The following PER2 variants were observed in gnomAD, a reference collection of about 807,000 sequenced individuals.
PER2 encodes period circadian protein homolog 2.
PER2 carries 66 observed loss-of-function variants against 121.0 expected under a neutral mutation model. That is an observed-to-expected ratio of 0.55 (90% CI 0.45 to 0.67). The LOEUF (loss-of-function observed/expected upper bound fraction) is 0.67. PER2 is among the 30% of genes least tolerant of loss of function. The pLI, the probability that PER2 is intolerant of heterozygous loss-of-function variation, is 0.00. For missense variants in PER2, 1,521 were observed against 1,635.0 expected, an observed-to-expected ratio of 0.93 and a Z score of 1.20; for synonymous variants, 684 against 659.9, an observed-to-expected ratio of 1.04 and a Z score of -0.56.
intron 17 of PER2, among the ~76,000 whole-genome samples, chr2:238,256,292 C>G (rs1006192968): frequency 1.3e-5 from 2 of 152,174 alleles, no homozygotes; most frequent in South Asian, 4.1e-4. Context: ...TAGATGGGAC[C>G]CTATGGGCCC....
chr2:238,264,995 A>G (rs554068224), intron 9 of PER2, among the ~76,000 whole-genome samples: 1 of 152,336 alleles, frequency 6.6e-6, no homozygotes, highest in East Asian at 1.9e-4. Flanking sequence ...GAGAAGATGC[A>G]TGGTGGGGGC....
chr2:238,278,100 C>G, intron 1 of PER2, 145 bp from the exon 2 acceptor site: 1 of 949,584 alleles, frequency 1.1e-6, no homozygotes, highest in Non-Finnish European at 1.6e-6. Context: ...CTCTCTCTCT[C>G]TCTTTCTTTC....
chr2:238,291,554 G>A (rs887579898), upstream of PER2, among the ~76,000 whole-genome samples: 1 of 152,258 alleles, frequency 6.6e-6, no homozygotes, highest in African/African-American at 2.4e-5. Flanking sequence ...AAATGGAGGA[G>A]GTGGTGGCCA....
intron 14 of PER2, 49 bp downstream of exon 14, chr2:238,259,920 G>A: frequency 1.2e-6 from 1 of 858,822 alleles, no homozygotes; most frequent in Non-Finnish European, 1.9e-6. Context: ...CTTCTCATGT[G>A]GCCATACTCT....
chr2:238,252,781 G>A lies in PER2; in HGVS notation c.3111+131C>T. 4 of 837,274 alleles carry A rather than the reference G, an allele frequency of 4.8e-6. No individual in the cohort carries two copies. The highest frequency in any genetic ancestry group is 1.3e-5 in the South Asian group (1 of 75,286). 51.9% of individuals were successfully genotyped at this position (837,274 alleles called of 1,614,324 possible). ...ATGAATTTCTGGCACACACATTCAT[G>A]GCAAAACCTACAGGGTTTGGTGGAA... On this transcript the variant is annotated intron_variant, in intron 19 of 22. Coordinates refer to ENST00000254657, the MANE Select transcript of PER2 (RefSeq NM_022817.3). This position sits in a 1 kb window ranked among gnomAD's most constrained non-coding sequence, Gnocchi z 4.2.
At chr2:238,294,881 C>T (rs1306704924), upstream of PER2, among the ~76,000 whole-genome samples, 1 of 152,224 alleles carries the variant, frequency 6.6e-6, no homozygotes, top group Non-Finnish European at 1.5e-5. Flanking sequence ...TTGGCGAATG[C>T]AGGTGCTCCC....
chr2:238,246,472 T>A lies in PER2; in HGVS notation c.3671A>T (p.Glu1224Val). ...GAGTCCCAGAGAAGGAATATCTTCCTCATATGGTATGCAAATATTACCTTT... is the reference window on the plus strand; with the variant it reads ...GAGTCCCAGAGAAGGAATATCTTCCACATATGGTATGCAAATATTACCTTT... ...KEKGNICIPY[E>V]EDIPSLGLSE... Residue 1224 changes from glutamate (E) to valine (V), a missense_variant, in exon 23 of 23, where the codon GAG becomes GTG. Physicochemically the swap from Glu to Val is moderately radical, Grantham distance 121. Coordinates refer to ENST00000254657, the MANE Select transcript of PER2 (RefSeq NM_022817.3). The A allele has an allele frequency of 6.3e-7, 1 of 1,593,414 alleles. No homozygotes were observed. Among genetic ancestry groups the A allele is most frequent in the East Asian group, 2.2e-5 (1 of 44,774 alleles).
chr2:238,246,153 T>C lies in PER2; in HGVS notation c.*222A>G, dbSNP rs773987105. 7 of 293,622 alleles carry C rather than the reference T, an allele frequency of 2.4e-5. No individual in the cohort carries two copies. The highest frequency in any genetic ancestry group is 6.1e-5 in the East Asian group (1 of 16,366). The allele number at this position is 293,622 out of a possible 1,614,324, so 18.2% of individuals were successfully genotyped here. On this transcript the variant is annotated 3_prime_UTR_variant, in exon 23 of 23. Transcript: ENST00000254657. ...CTTCCCCATCCCACAAAACTCCACA[T>C]ATATATTTTATATATAAAAACATAT...
At chr2:238,286,839 T>C (rs900203378) in intron 1 of PER2, among the ~76,000 whole-genome samples, 3 of 152,224 alleles carry the variant, frequency 2.0e-5, no homozygotes, top group Non-Finnish European at 4.4e-5. Context: ...GTTCAGTGGG[T>C]ACGAGAAGTA....
At chr2:238,257,435 G>A (rs1695796221) in intron 16 of PER2, among the ~76,000 whole-genome samples, 2 of 152,196 alleles carry the variant, frequency 1.3e-5, no homozygotes, top group Non-Finnish European at 2.9e-5. Context: ...GGGGCTTTCC[G>A]ACAGTCAGGA....
intron 8 of PER2, among the ~76,000 whole-genome samples, chr2:238,266,146 G>C (rs181438358): frequency 2.0e-5 from 3 of 151,858 alleles, no homozygotes; most frequent in Non-Finnish European, 4.4e-5. Context: ...CTCGTGATCC[G>C]CCCACCTTGG....
At position 238,245,670 on chromosome 2, in the gene PER2, C is replaced by T; in HGVS notation, c.*705G>A. On this transcript the variant is annotated 3_prime_UTR_variant, in exon 23 of 23. Coordinates refer to ENST00000254657, the MANE Select transcript of PER2 (RefSeq NM_022817.3). ...CAGAAATATACAGAGGGTCTGTCTG[C>T]GTGTGCATTCATCCGATGGAGTTGG... is the stretch of plus-strand genomic sequence containing the variant. The T allele has an allele frequency of 2.5e-6, 1 of 398,588 alleles. No individual in the cohort carries two copies. The highest frequency in any genetic ancestry group is 4.4e-6 in the Non-Finnish European group (1 of 226,054). 24.7% of individuals were successfully genotyped at this position (398,588 alleles called of 1,614,324 possible).
upstream of PER2, among the ~76,000 whole-genome samples, chr2:238,291,409 A>G (rs1049447573): frequency 4.6e-5 from 7 of 152,196 alleles, no homozygotes; most frequent in Non-Finnish European, 8.8e-5. Flanking sequence ...CACCCAGCCA[A>G]TTGTTTACTG....
At chr2:238,279,486 C>T (rs1420314741) in intron 1 of PER2, among the ~76,000 whole-genome samples, 2 of 152,226 alleles carry the variant, frequency 1.3e-5, no homozygotes, top group Non-Finnish European at 2.9e-5. Flanking sequence ...CCACCCTACA[C>T]CCAGGCTCAG....
the PER2 span, chr2:238,299,479 T>G: frequency 6.6e-6 from 1 of 151,932 alleles, no homozygotes; most frequent in Non-Finnish European, 1.5e-5. Context: ...GGGGCGGAGG[T>G]TGCAGTGAGT....
intron 14 of PER2, 56 bp from the exon 15 acceptor site, chr2:238,258,700 T>C (rs1169257977): frequency 7.2e-5 from 114 of 1,573,952 alleles, no homozygotes; most frequent in Non-Finnish European, 9.6e-5. Flanking sequence ...GAAAACGCTG[T>C]GTATTTACAA....
chr2:238,278,411 CA>C (rs1696526394), intron 1 of PER2, among the ~76,000 whole-genome samples: 1 of 152,168 alleles, frequency 6.6e-6, no homozygotes, highest in South Asian at 2.1e-4. Context: ...GTTAGTTCAT[CA>C]CATTACTTAT....
Position 238,252,936 on chromosome 2 carries a change from G to A in PER2, c.3087C>T (p.Asp1029=). The A allele has an allele frequency of 6.2e-7, 1 of 1,613,754 alleles. No homozygotes were observed. ...GADCKPGTSR[D]QQPKAPLTRD... ...CGGTCAGAGGCGCCTTCGGCTGCTG[G>A]TCCCGAGAAGTGCCAGGTTTGCAGT... The change falls in exon 19 of 23, where the codon GAC becomes GAT. Residue 1029 remains aspartate (D), a synonymous_variant. Coordinates refer to ENST00000254657, the MANE Select transcript of PER2 (RefSeq NM_022817.3). The surrounding 1 kb of genome is among the most constrained non-coding windows in gnomAD (Gnocchi z 4.2).
intron 2 of PER2, 136 bp downstream of exon 2, chr2:238,277,571 T>G: frequency 2.9e-6 from 3 of 1,038,186 alleles, no homozygotes; most frequent in Admixed American, 2.2e-5. Context: ...CACTGGCACA[T>G]TTTAGGTATT....
Sources: allele counts gnomAD v4.1 joint callset (sites outside exome capture counted in the v4.1 genomes callset), GRCh38; gene constraint gnomAD v4.1.1; non-coding constraint Gnocchi (gnomAD v3.1); transcripts MANE v1.5; gene names NCBI Gene and HGNC (gene_info 2026-07-23, HGNC 2026-07-21).